Variants in PSG8 observed in about 807,000 individuals in gnomAD.
The protein encoded by PSG8 is pregnancy specific beta-1-glycoprotein 8.
Under a neutral mutation model 42.5 loss-of-function variants are expected in PSG8, and 57 were observed. The ratio of observed to expected loss-of-function variants is 1.34; its 90% CI spans 1.08 to 1.67. The LOEUF is 1.67. PSG8 is among the 40% of genes most tolerant of loss of function. The probability of loss-of-function intolerance (pLI) is 0.00; values close to 1 mark genes in which losing one functional copy is unlikely to be tolerated. For missense variants in PSG8, 783 were observed against 518.6 expected (o/e 1.51, Z -4.95); for synonymous variants, 280 against 196.8 (o/e 1.42, Z -3.54).
At chr19:42,752,887 T>C (rs1344396987), downstream of PSG8, 1 of 249,406 alleles carries the variant, frequency 4.0e-6, no homozygotes. Flanking sequence ...TGTTCATTTC[T>C]ATTGGGAGTC....
chr19:42,759,237 T>C (rs1970011863), intron 2 of PSG8, among the ~76,000 whole-genome samples: 1 of 152,146 alleles, frequency 6.6e-6, no homozygotes, highest in South Asian at 2.1e-4. Context: ...TACTCTCTGA[T>C]TCTGAATTTG....
intron 2 of PSG8, 27 bp downstream of exon 2, chr19:42,763,889 A>T: frequency 6.2e-7 from 1 of 1,613,466 alleles, no homozygotes. Context: ...GTCCCCCAAC[A>T]CCCAGGGATC....
chr19:42,764,360 G>C (rs1970161293), intron 1 of PSG8, 79 bp from the exon 2 acceptor site: 1 of 1,539,238 alleles, frequency 6.5e-7, no homozygotes, highest in African/African-American at 1.4e-5. Flanking sequence ...GTCCTGAGAA[G>C]TTCTCTTCAG....
rs753863481 is a variant in PSG8, at chr19:42,754,409, G to T, written c.1167C>A (p.Ser389Arg). The T allele has an allele frequency of 1.9e-6, 3 of 1,613,764 alleles. No homozygotes were observed. The highest frequency in any genetic ancestry group is 2.5e-6 in the Non-Finnish European group (3 of 1,179,788). ...LFIPQITTKHSGLYACSVRNS... is the reference protein window; with the variant it reads ...LFIPQITTKHRGLYACSVRNS... ...TACGAACAGAGCAAGCATAGAGCCCGCTATGCTTTGTAGTAATTTGGGGGA... is the reference window on the plus strand; with the variant it reads ...TACGAACAGAGCAAGCATAGAGCCCTCTATGCTTTGTAGTAATTTGGGGGA... The change falls in exon 5 of 5, where the codon AGC becomes AGA. Residue 389 changes from serine (S) to arginine (R), a missense_variant. Transcript: ENST00000306511.
intron 3 of PSG8, 181 bp from the exon 4 acceptor site, chr19:42,755,447 C>G: frequency 7.7e-7 from 1 of 1,296,540 alleles, no homozygotes; most frequent in Middle Eastern, 2.8e-4. Flanking sequence ...ACTATGAGGC[C>G]AGCTGCTCTG....
At chr19:42,761,677 T>C (rs1970077330) in intron 2 of PSG8, among the ~76,000 whole-genome samples, 1 of 152,084 alleles carries the variant, frequency 6.6e-6, no homozygotes, top group Admixed American at 6.5e-5. Flanking sequence ...TTTTTAGTCC[T>C]GTGCTCCTGA....
intron 2 of PSG8, among the ~76,000 whole-genome samples, chr19:42,762,405 G>T (rs1393845415): frequency 6.6e-6 from 1 of 152,110 alleles, no homozygotes; most frequent in Non-Finnish European, 1.5e-5. Context: ...TTAGGGGCAA[G>T]AGGTAGTGGG....
chr19:42,760,579 T>C (rs567493489), intron 2 of PSG8, among the ~76,000 whole-genome samples: 1 of 152,126 alleles, frequency 6.6e-6, no homozygotes, highest in East Asian at 1.9e-4. Flanking sequence ...TCTTCATTTC[T>C]CTAACAGCAT....
At chr19:42,753,397 C>T (rs1471295421), downstream of PSG8, 2 of 779,426 alleles carry the variant, frequency 2.6e-6, no homozygotes, top group Non-Finnish European at 4.8e-6. Flanking sequence ...ATAATAAAAA[C>T]ACAGAAACAA....
Position 42,763,851 on chromosome 19 carries a change from C to A in PSG8, c.430+65G>T, listed in dbSNP as rs982590256. The A allele has an allele frequency of 5.6e-6, 9 of 1,611,506 alleles. No individual in the cohort carries two copies. In the African/African-American group the frequency reaches 1.1e-4, roughly 19 times the overall value. ...CAGGCAATGTCCAGGCCTGACAATCCTGTGTGTGTGAAGTAGAAGTGACCC... is the reference window on the plus strand; with the variant it reads ...CAGGCAATGTCCAGGCCTGACAATCATGTGTGTGTGAAGTAGAAGTGACCC... On this transcript the variant is annotated intron_variant, in intron 2 of 4. Transcript: ENST00000306511.
chr19:42,755,212 T>C lies in PSG8; in HGVS notation c.764A>G (p.Lys255Arg), dbSNP rs1358312519. 6.2e-7 allele frequency: 1 copy of C among 1,612,042 alleles called. No individual in the cohort carries two copies. Among genetic ancestry groups the C allele is most frequent in the Non-Finnish European group, 8.5e-7 (1 of 1,179,798 alleles). ...TINNLKPREN[K>R]DVLNFTCEPK... The stretch of plus-strand genomic sequence containing the variant: ...TTCACAGGTGAAGTTTAAGACATCC[T>C]TATTCTCCCTGGGTTTTAAGTTGTT... The change falls in exon 4 of 5, where the codon AAG (lysine) becomes AGG (arginine). Residue 255 changes from lysine to arginine, a missense_variant. Physicochemically the swap from Lys to Arg is conservative, Grantham distance 26 (BLOSUM62 2). Transcript: ENST00000306511.
rs1348812557 is a variant in PSG8, at chr19:42,764,874, T to G, written c.65-593A>C. Among the ~76,000 whole-genome samples the G allele has an allele frequency of 1.2e-4, 19 of 152,110 alleles. 1 individual carries two copies. The highest frequency in any genetic ancestry group is 3.1e-4 in the African/African-American group (13 of 41,530). ...GAGTTCTCAGGGCCCTCCACGCCCT[T>G]GGTGTTTTTTTTTCCCCCCAATTGT... On this transcript the variant is annotated intron_variant, in intron 1 of 4. Coordinates refer to ENST00000306511, the MANE Select transcript of PSG8 (RefSeq NM_182707.3).
At chr19:42,762,388 G>T (rs1970099543) in intron 2 of PSG8, among the ~76,000 whole-genome samples, 1 of 152,086 alleles carries the variant, frequency 6.6e-6, no homozygotes, top group Non-Finnish European at 1.5e-5. Flanking sequence ...CATGAGCTGG[G>T]GTGGCTTTAG....
At chr19:42,755,387 G>T (rs1371969323) in intron 3 of PSG8, 121 bp from the exon 4 acceptor site, 20 of 1,519,538 alleles carry the variant, frequency 1.3e-5, no homozygotes, top group Non-Finnish European at 1.8e-5. Context: ...AAAGCCAATA[G>T]CTGGTGCGTG....
intron 2 of PSG8, among the ~76,000 whole-genome samples, chr19:42,759,427 T>G (rs1202231443): frequency 6.6e-6 from 1 of 152,192 alleles, no homozygotes; most frequent in East Asian, 1.9e-4. Flanking sequence ...TTCATACAGA[T>G]AAAGTGCTCC....
At chr19:42,759,672 C>A (rs1256649823) in intron 2 of PSG8, among the ~76,000 whole-genome samples, 2 of 152,008 alleles carry the variant, frequency 1.3e-5, no homozygotes, top group Non-Finnish European at 2.9e-5. Context: ...CTGTAATTTT[C>A]CCATAAAAAG....
rs1568373281 is a variant in PSG8, at chr19:42,754,339, C to T, written c.1237G>A (p.Val413Ile). ...KESSKSMTVK[V>I]SGKRIPVSLA... ...GATACTGGGATCCGCTTACCAGAGA[C>T]TTTTACTGTCATGGATTTGGAGCTT... Residue 413 changes from valine to isoleucine, a missense_variant, in exon 5 of 5, where the codon GTC becomes ATC. By Grantham distance (29) the Val-to-Ile change is conservative. Transcript: ENST00000306511. 6.2e-7 allele frequency: 1 copy of T among 1,613,792 alleles called. No homozygotes were observed. The highest frequency in any genetic ancestry group is 2.2e-5 in the East Asian group (1 of 44,878).
chr19:42,753,951 C>T (rs780925666), downstream of PSG8: 13 of 575,038 alleles, frequency 2.3e-5, no homozygotes, highest in South Asian at 7.9e-5. Context: ...CAATAAACTG[C>T]GGTATAGTTT....
chr19:42,754,194 G>T, downstream of PSG8: 1 of 1,537,654 alleles, frequency 6.5e-7, no homozygotes, highest in Non-Finnish European at 8.7e-7. Flanking sequence ...CAAATTTGGA[G>T]GGTTTAGGAG....
Sources: gnomAD v4.1 joint callset for allele counts (sites outside exome capture counted in the v4.1 genomes callset) on GRCh38, gnomAD v4.1.1 for gene constraint, MANE v1.5 for transcripts, NCBI Gene and HGNC (gene_info 2026-07-23, HGNC 2026-07-21) for gene names.